The following CCR6 variants were observed in gnomAD, a reference collection of about 807,000 sequenced individuals.
CCR6 encodes the protein C-C motif chemokine receptor 6.
A neutral mutation model predicts 3.0 loss-of-function variants in CCR6; 2 were observed. The ratio of observed to expected loss-of-function variants is 0.66; its 90% CI spans 0.27 to 2.07. CCR6 has a LOEUF of 2.07. Among genes scored for constraint, CCR6 ranks in the 30% most tolerant of loss-of-function variants. CCR6 has a pLI of 0.14. For missense variants in CCR6, 322 were observed against 462.8 expected, an observed-to-expected ratio of 0.70 and a Z score of 2.79; for synonymous variants, 193 against 184.3, an observed-to-expected ratio of 1.05 and a Z score of -0.38.
At chr6:167,133,932 G>GTGTATGTATATATATATATATA (rs1183741225) in intron 1 of CCR6, among the ~76,000 whole-genome samples, 1 of 110,340 alleles carries the variant, frequency 9.1e-6, no homozygotes, top group Non-Finnish European at 1.7e-5. Context: ...ATATATGTGT[G>GTGTATGTATATATATATATATA]TATATATATA....
intron 1 of CCR6, among the ~76,000 whole-genome samples, chr6:167,132,744 T>C (rs1228506566): frequency 6.6e-6 from 1 of 152,242 alleles, no homozygotes; most frequent in Non-Finnish European, 1.5e-5. Flanking sequence ...TTTCACCATG[T>C]TGGCCAGGAT....
At chr6:167,117,917 C>T (rs1384817939), upstream of CCR6, among the ~76,000 whole-genome samples, 1 of 149,826 alleles carries the variant, frequency 6.7e-6, no homozygotes, top group Non-Finnish European at 1.5e-5. Context: ...ATTCTTCACT[C>T]TGCAGGTTTC....
chr6:167,136,749 G>A lies in CCR6; in HGVS notation c.519G>A (p.Gly173=), dbSNP rs774405211. The change falls in exon 3 of 3, where the codon GGG becomes GGA. Residue 173 remains glycine, a synonymous_variant. Transcript: ENST00000341935. This position sits in a 1 kb window ranked among gnomAD's most constrained non-coding sequence, Gnocchi z 4.6. Reference sequence around the variant, plus strand: ...AAATCATCTGCCTTGTTGTGTGGGGGCTGTCAGTCATCATCTCCAGCTCAA... The same window carrying A: ...AAATCATCTGCCTTGTTGTGTGGGGACTGTCAGTCATCATCTCCAGCTCAA... ...RSKIICLVVW[G]LSVIISSSTF... is the part of the protein sequence containing the mutation. 1.9e-6 allele frequency: 3 copies of A among 1,614,004 alleles called. No individual in the cohort carries two copies. Among genetic ancestry groups the A allele is most frequent in the Non-Finnish European group, 2.5e-6 (3 of 1,180,040 alleles).
intron 1 of CCR6, among the ~76,000 whole-genome samples, chr6:167,133,936 A>ATATATATG (rs1562560645): frequency 3.6e-5 from 1 of 27,784 alleles, no homozygotes; most frequent in African/African-American, 7.6e-5. Flanking sequence ...ATGTGTGTAT[A>ATATATATG]TATATATATA....
At chr6:167,125,012 A>T (rs60646330) in intron 1 of CCR6, among the ~76,000 whole-genome samples, 6,002 of 152,190 alleles carry the variant, frequency 0.039, 332 homozygotes, top group African/African-American at 0.12. Context: ...ATGCATACAC[A>T]TGCATATACA....
chr6:167,131,628 A>G, intron 1 of CCR6: 1 of 155,428 alleles, frequency 6.4e-6, no homozygotes, highest in East Asian at 1.9e-4. Flanking sequence ...GCTGTCCCCA[A>G]GCCCCTGCCT....
chr6:167,128,407 G>C (rs1781704382), intron 1 of CCR6, among the ~76,000 whole-genome samples: 1 of 152,250 alleles, frequency 6.6e-6, no homozygotes, highest in Non-Finnish European at 1.5e-5. Flanking sequence ...AGAGTACCCA[G>C]AGGTGAGCAG....
intron 1 of CCR6, among the ~76,000 whole-genome samples, chr6:167,112,229 A>G (rs1304110189): frequency 6.6e-6 from 1 of 152,176 alleles, no homozygotes; most frequent in Non-Finnish European, 1.5e-5. Flanking sequence ...GCTCTATTCT[A>G]GAGACTTTGG....
At chr6:167,120,284 A>G (rs773755922), upstream of CCR6, among the ~76,000 whole-genome samples, 1 of 152,154 alleles carries the variant, frequency 6.6e-6, no homozygotes, top group Non-Finnish European at 1.5e-5. Flanking sequence ...GCTGCCTGGT[A>G]TCTCAGCAAG....
chr6:167,124,628 A>G (rs1781641478), intron 1 of CCR6, among the ~76,000 whole-genome samples: 1 of 152,172 alleles, frequency 6.6e-6, no homozygotes, highest in South Asian at 2.1e-4. Flanking sequence ...AAGAGACAGT[A>G]ATGGGAGTCT....
At chr6:167,113,894 G>T (rs866995469) in intron 1 of CCR6, among the ~76,000 whole-genome samples, 2 of 152,198 alleles carry the variant, frequency 1.3e-5, no homozygotes, top group South Asian at 2.1e-4. Context: ...ATTTTGGGGG[G>T]TAGAATGAGA....
chr6:167,128,477 C>T (rs1285685431), intron 1 of CCR6, among the ~76,000 whole-genome samples: 1 of 152,272 alleles, frequency 6.6e-6, no homozygotes, highest in Admixed American at 6.5e-5. Flanking sequence ...ATTAACTAGC[C>T]TCTTGGTGAG....
chr6:167,126,001 A>T lies in CCR6; in HGVS notation c.-98+2778A>T, dbSNP rs41459048. 2.1e-4 allele frequency among the ~76,000 whole-genome samples: 32 copies of T among 152,348 alleles called. No individual in the cohort carries two copies. The East Asian group carries it at 6.2e-3, about 29-fold the overall frequency. On this transcript the variant is annotated intron_variant, in intron 1 of 2. Transcript: ENST00000341935. ...GGCTAAGTTATTACTTACCATGTGCATATATTTAATCTTCATGAGATCCTA... is the reference window on the plus strand; with the variant it reads ...GGCTAAGTTATTACTTACCATGTGCTTATATTTAATCTTCATGAGATCCTA...
Position 167,133,932 on chromosome 6 carries a change from G to GTGTGTGTATATATATA in CCR6, c.-97-2105_-97-2104insGTGTGTATATATATAT, listed in dbSNP as rs1183741225. Among the ~76,000 whole-genome samples the GTGTGTGTATATATATA allele has an allele frequency of 1.6e-3, 177 of 110,380 alleles. 6 individuals are homozygous for GTGTGTGTATATATATA. The highest frequency in any genetic ancestry group is 2.0e-3 in the Non-Finnish European group (117 of 57,664). The allele number at this position is 110,380 out of a possible 152,430, so 72.4% of individuals were successfully genotyped here. A position where few individuals can be genotyped will look rare whatever the true frequency, so the allele number is the denominator to read the frequency against. ...ATACTATTATATATGATATATGTGT[G>GTGTGTGTATATATATA]TATATATATATATATATATATATAT... On this transcript the variant is annotated intron_variant, in intron 1 of 2. Coordinates refer to ENST00000341935, the MANE Select transcript of CCR6 (RefSeq NM_031409.4).
At position 167,137,126 on chromosome 6, in the gene CCR6, C is replaced by G; in HGVS notation, c.896C>G (p.Thr299Ser). The change falls in exon 3 of 3, where the codon ACT (threonine) becomes AGT (serine). Residue 299 changes from threonine (T) to serine (S), a missense_variant. Transcript: ENST00000341935. The surrounding 1 kb of genome is among the most constrained non-coding windows in gnomAD (Gnocchi z 4.6). ...GAAAAGCTAATTGGCTATACGAAAA[C>G]TGTCACAGAAGTCCTGGCTTTCCTG... ...QSEKLIGYTK[T>S]VTEVLAFLHC... is the part of the protein sequence containing the mutation. 1 of 1,614,132 alleles carries G rather than the reference C, an allele frequency of 6.2e-7. No individual in the cohort carries two copies. Among genetic ancestry groups the G allele is most frequent in the Admixed American group, 1.7e-5 (1 of 60,024 alleles).
intron 1 of CCR6, among the ~76,000 whole-genome samples, chr6:167,117,637 G>T (rs938945818): frequency 6.6e-6 from 1 of 151,284 alleles, no homozygotes; most frequent in South Asian, 2.1e-4. Flanking sequence ...GGATGGTCTC[G>T]ATCTCCTGAC....
chr6:167,114,351 C>T (rs1019489132), intron 1 of CCR6, among the ~76,000 whole-genome samples: 2 of 152,196 alleles, frequency 1.3e-5, no homozygotes, highest in African/African-American at 2.4e-5. Context: ...CCTCCTGCTC[C>T]CAGGTGGTCT....
At chr6:167,123,909 C>T (rs1781624811) in intron 1 of CCR6, among the ~76,000 whole-genome samples, 2 of 152,248 alleles carry the variant, frequency 1.3e-5, no homozygotes, top group South Asian at 4.1e-4. Context: ...GTCAGGAGTT[C>T]GAGACCAGCC....
At chr6:167,114,685 GCA>G (rs1781467704) in intron 1 of CCR6, among the ~76,000 whole-genome samples, 1 of 152,218 alleles carries the variant, frequency 6.6e-6, no homozygotes, top group Non-Finnish European at 1.5e-5. Context: ...ACGTCACCGT[GCA>G]CACGTCACCC....
Sources: allele counts gnomAD v4.1 joint callset (sites outside exome capture counted in the v4.1 genomes callset), GRCh38; gene constraint gnomAD v4.1.1; non-coding constraint Gnocchi (gnomAD v3.1); transcripts MANE v1.5; gene names NCBI Gene and HGNC (gene_info 2026-07-23, HGNC 2026-07-21).